The following GDF1 variants were observed in gnomAD, a reference collection of about 807,000 sequenced individuals.
The protein encoded by GDF1 is growth differentiation factor 1.
A neutral mutation model predicts 7.4 loss-of-function variants in GDF1; 8 were observed. The observed-to-expected ratio is 1.09, with a 90% CI of 0.64 to 1.96. The LOEUF (loss-of-function observed/expected upper bound fraction) is 1.96, where lower values mean the gene tolerates loss of function less well. Among genes scored for constraint, GDF1 ranks in the 30% most tolerant of loss-of-function variants. GDF1 has a pLI of 0.00. For synonymous variants in GDF1, 311 were observed against 276.7 expected (o/e 1.12, Z -1.23); for missense variants, 574 against 551.5 (o/e 1.04, Z -0.41).
At chr19:18,872,579 G>A (rs1002461700) in intron 6 of GDF1, among the ~76,000 whole-genome samples, 1 of 150,610 alleles carries the variant, frequency 6.6e-6, no homozygotes, top group African/African-American at 2.4e-5. Flanking sequence ...GCGGTGGCAC[G>A]ATCTTGGCTC....
At chr19:18,891,975 C>A (rs2056502591) in intron 2 of GDF1, among the ~76,000 whole-genome samples, 1 of 151,582 alleles carries the variant, frequency 6.6e-6, no homozygotes, top group Admixed American at 6.6e-5. Flanking sequence ...CTCACTGCAA[C>A]CTCCGCCTCC....
At position 18,870,380 on chromosome 19, in the gene GDF1, C is replaced by T. The variant is rs997664790; in HGVS notation, c.-73G>A. 1.1e-5 allele frequency: 17 copies of T among 1,508,834 alleles called. No homozygotes were observed. The highest frequency in any genetic ancestry group is 5.0e-5 in the East Asian group (2 of 40,330). The allele number at this position is 1,508,834 out of a possible 1,614,324, so 93.5% of individuals were successfully genotyped here. A position where few individuals can be genotyped will look rare whatever the true frequency, so the allele number is the denominator to read the frequency against. ...CGGGACCAGTGGGCTGAGGGCGGGGCCGGTGTCCCCGGAGGGGCAGGGGTC... is the reference window on the plus strand; with the variant it reads ...CGGGACCAGTGGGCTGAGGGCGGGGTCGGTGTCCCCGGAGGGGCAGGGGTC... On this transcript the variant is annotated 5_prime_UTR_variant, in exon 7 of 8. Transcript: ENST00000247005. The surrounding 1 kb of genome is among the most constrained non-coding windows in gnomAD (Gnocchi z 5.1).
intron 6 of GDF1, chr19:18,877,857 T>C (rs4808867): frequency 0.84 from 462,468 of 548,288 alleles, 195,657 homozygotes; most frequent in Admixed American, 0.87. Flanking sequence ...CCAGAACCCA[T>C]GTGACCCTCT....
intron 2 of GDF1, among the ~76,000 whole-genome samples, chr19:18,888,729 C>CTGAG (rs2056421800): frequency 6.6e-6 from 1 of 151,504 alleles, no homozygotes; most frequent in Non-Finnish European, 1.5e-5. Context: ...ACTCCGGAGG[C>CTGAG]TGAGGCAGGA....
In GDF1 at chr19:18,884,235, T is replaced by C; in HGVS notation, c.-881A>G. 6.2e-7 allele frequency: 1 copy of C among 1,613,212 alleles called. No homozygotes were observed. The highest frequency in any genetic ancestry group is 8.5e-7 in the Non-Finnish European group (1 of 1,179,768). ...CCCTGGAGCAGGTAGGCGGCTGCAATGTCCCGTGGCACTGCCATGCCCGGC... is the reference window on the plus strand; with the variant it reads ...CCCTGGAGCAGGTAGGCGGCTGCAACGTCCCGTGGCACTGCCATGCCCGGC... On this transcript the variant is annotated 5_prime_UTR_variant, in exon 3 of 8. Transcript: ENST00000247005.
chr19:18,893,226 T>C (rs1039327805), intron 2 of GDF1, among the ~76,000 whole-genome samples, 190 bp downstream of exon 2: 3 of 145,510 alleles, frequency 2.1e-5, no homozygotes, highest in African/African-American at 5.1e-5. Context: ...TTTTTCTTTT[T>C]TGATACAAGA....
At chr19:18,879,423 G>A (rs1177475107) in intron 4 of GDF1, 35 bp from the exon 5 acceptor site, 23 of 1,548,778 alleles carry the variant, frequency 1.5e-5, no homozygotes, top group Non-Finnish European at 2.0e-5. Flanking sequence ...CGTGGGTGGA[G>A]GGGGACGGTG....
At chr19:18,877,901 G>T in intron 6 of GDF1, 1 of 935,312 alleles carries the variant, frequency 1.1e-6, no homozygotes, top group Non-Finnish European at 1.3e-6. Context: ...ACCAGCTCGA[G>T]CCAAAAGTCT....
chr19:18,896,114 G>C lies in GDF1; in HGVS notation c.-1364C>G. The stretch of plus-strand genomic sequence containing the variant: ...CCGTGCCCGTCGCCTGCGCCCGCCC[G>C]CGGTAGCCGACGGAGCCGCGCGCCC... On this transcript the variant is annotated 5_prime_UTR_variant, in exon 1 of 8. Coordinates refer to ENST00000247005, the MANE Select transcript of GDF1 (RefSeq NM_001492.6). The surrounding 1 kb of genome is among the most constrained non-coding windows in gnomAD (Gnocchi z 5.9). 1 of 819,766 alleles carries C rather than the reference G, an allele frequency of 1.2e-6. No homozygotes were observed. The highest frequency in any genetic ancestry group is 1.5e-6 in the Non-Finnish European group (1 of 681,698). 50.8% of individuals were successfully genotyped at this position (819,766 alleles called of 1,614,324 possible). A position where few individuals can be genotyped will look rare whatever the true frequency, so the allele number is the denominator to read the frequency against.
rs60266196 is a variant in GDF1 at position 18,876,536 on chromosome 19, T to TTGTGTGTGTGTGTGTGTG, written c.-313+2376_-313+2393dup. Among the ~76,000 whole-genome samples, 390 of 143,262 alleles carry TTGTGTGTGTGTGTGTGTG rather than the reference T, an allele frequency of 2.7e-3. 2 individuals are homozygous for TTGTGTGTGTGTGTGTGTG. The highest frequency in any genetic ancestry group is 9.6e-3 in the African/African-American group (372 of 38,664). The allele number at this position is 143,262 out of a possible 152,430, so 94.0% of individuals were successfully genotyped here. Reference sequence around the variant, plus strand: ...TTTGTTTTGTTTTGTTTTGATTGGGTTGTGTGTGTGTGTGTGTGTGTGTGT... The same window carrying TTGTGTGTGTGTGTGTGTG: ...TTTGTTTTGTTTTGTTTTGATTGGGTTGTGTGTGTGTGTGTGTGTGTGTGTGTGTGTGTGTGTGTGTGT... On this transcript the variant is annotated intron_variant, in intron 6 of 7. Coordinates refer to ENST00000247005, the MANE Select transcript of GDF1 (RefSeq NM_001492.6).
In GDF1 at chr19:18,870,371, AGGGCG is replaced by A. The variant is rs1444666375; in HGVS notation, c.-69_-65del. On this transcript the variant is annotated 5_prime_UTR_variant, in exon 7 of 8. Transcript: ENST00000247005. This position sits in a 1 kb window ranked among gnomAD's most constrained non-coding sequence, Gnocchi z 5.1. ...GCGGCGGCCCGGGACCAGTGGGCTGAGGGCGGGGCCGGTGTCCCCGGAGGGGCAGG... is the reference window on the plus strand; with the variant it reads ...GCGGCGGCCCGGGACCAGTGGGCTGAGGGCCGGTGTCCCCGGAGGGGCAGG... 1 of 1,512,916 alleles carries A rather than the reference AGGGCG, an allele frequency of 6.6e-7. No individual in the cohort carries two copies. The highest frequency in any genetic ancestry group is 8.8e-7 in the Non-Finnish European group (1 of 1,131,162). 93.7% of individuals were successfully genotyped at this position (1,512,916 alleles called of 1,614,324 possible). A position where few individuals can be genotyped will look rare whatever the true frequency, so the allele number is the denominator to read the frequency against.
In GDF1 at chr19:18,894,263, C is replaced by T. The variant is rs980322481; in HGVS notation, c.-1073-688G>A. 4.8e-4 allele frequency among the ~76,000 whole-genome samples: 40 copies of T among 83,434 alleles called. 1 individual carries two copies. The highest frequency in any genetic ancestry group is 5.1e-3 in the Middle Eastern group (1 of 198). The allele number at this position is 83,434 out of a possible 152,430, so 54.7% of individuals were successfully genotyped here. On this transcript the variant is annotated intron_variant, in intron 1 of 7. Transcript: ENST00000247005. ...GGGAGTGCGGTGGGTGGGTGGGTGG[C>T]GGGGCGCGGCTCCAGAGCTGCCCGG... is the stretch of plus-strand genomic sequence containing the variant.
rs759003558 is a variant in GDF1, at chr19:18,879,297, A to T, written c.-479T>A. The T allele has an allele frequency of 6.2e-7, 1 of 1,613,196 alleles. No homozygotes were observed. Among genetic ancestry groups the T allele is most frequent in the Non-Finnish European group, 8.5e-7 (1 of 1,179,596 alleles). On this transcript the variant is annotated 5_prime_UTR_variant, in exon 5 of 8. Coordinates refer to ENST00000247005, the MANE Select transcript of GDF1 (RefSeq NM_001492.6). ...AGCAGCAGGAGCGCATTGAAGAAGA[A>T]GTAGAAGGGGATGTCAGGCACCGTG...
In GDF1 at chr19:18,879,164, G is replaced by A. The variant is rs903532348; in HGVS notation, c.-423+77C>T. ...TCTGCCACCTAACGTGCCCCTCCCC[G>A]GGACTGCCTGAGGAGGGGACAGGGA... On this transcript the variant is annotated intron_variant, in intron 5 of 7. Coordinates refer to ENST00000247005, the MANE Select transcript of GDF1 (RefSeq NM_001492.6). 38 of 1,599,876 alleles carry A rather than the reference G, an allele frequency of 2.4e-5. No individual in the cohort carries two copies. The East Asian group carries it at 4.3e-4, about 18-fold the overall frequency.
At position 18,878,507 on chromosome 19, in the gene GDF1, T is replaced by C. The variant is rs913720054; in HGVS notation, c.-313+423A>G. On this transcript the variant is annotated intron_variant, in intron 6 of 7. Transcript: ENST00000247005. This position sits in a 1 kb window ranked among gnomAD's most constrained non-coding sequence, Gnocchi z 4.6. ...CGGCCCAGATGGAGCCTGGGTTCTCTCTGTGGCCCTTGGCGTTCCTTCCTC... is the reference window on the plus strand; with the variant it reads ...CGGCCCAGATGGAGCCTGGGTTCTCCCTGTGGCCCTTGGCGTTCCTTCCTC... 9.9e-7 allele frequency: 1 copy of C among 1,005,362 alleles called. No homozygotes were observed. The highest frequency in any genetic ancestry group is 1.7e-5 in the African/African-American group (1 of 57,720). The allele number at this position is 1,005,362 out of a possible 1,614,324, so 62.3% of individuals were successfully genotyped here. A position where few individuals can be genotyped will look rare whatever the true frequency, so the allele number is the denominator to read the frequency against.
At chr19:18,892,474 C>CGTG (rs1277587180) in intron 2 of GDF1, among the ~76,000 whole-genome samples, 3 of 151,760 alleles carry the variant, frequency 2.0e-5, no homozygotes, top group Non-Finnish European at 4.4e-5. Context: ...ATTAGCCGGG[C>CGTG]GTGGTGGCGG....
chr19:18,879,530 G>T, intron 4 of GDF1, 142 bp from the exon 5 acceptor site: 1 of 1,024,732 alleles, frequency 9.8e-7, no homozygotes, highest in Non-Finnish European at 1.4e-6. Flanking sequence ...CTACTGCTCT[G>T]TCCTTCCCCT....
chr19:18,877,854 C>T (rs2056088970), intron 6 of GDF1: 3 of 486,252 alleles, frequency 6.2e-6, no homozygotes, highest in Non-Finnish European at 8.0e-6. Context: ...CTGCCAGAAC[C>T]CATGTGACCC....
intron 1 of GDF1, among the ~76,000 whole-genome samples, chr19:18,894,735 C>T (rs1282322389): frequency 6.6e-6 from 1 of 152,190 alleles, no homozygotes; most frequent in Non-Finnish European, 1.5e-5. Context: ...GCTGGGGTCT[C>T]TCCCTCATGT....
Sources: allele counts gnomAD v4.1 joint callset (sites outside exome capture counted in the v4.1 genomes callset), GRCh38; gene constraint gnomAD v4.1.1; non-coding constraint Gnocchi (gnomAD v3.1); transcripts MANE v1.5; gene names NCBI Gene and HGNC (gene_info 2026-07-23, HGNC 2026-07-21).